The following SIK3 variants were observed in gnomAD, a reference collection of about 807,000 sequenced individuals.
The protein encoded by SIK3 is serine/threonine-protein kinase SIK3.
A neutral mutation model predicts 144.2 loss-of-function variants in SIK3; 28 were observed. That is an observed-to-expected ratio of 0.19 (90% CI 0.14 to 0.27). SIK3 has a LOEUF of 0.27. SIK3 is among the 10% of genes least tolerant of loss of function. The probability of loss-of-function intolerance (pLI) is 1.00; values close to 1 mark genes in which losing one functional copy is unlikely to be tolerated. For missense variants in SIK3, 1,319 were observed against 1,776.0 expected, an observed-to-expected ratio of 0.74 and a Z score of 4.62; for synonymous variants, 686 against 676.3, an observed-to-expected ratio of 1.01 and a Z score of -0.22.
chr11:116,898,020 A>T (rs912351174), intron 4 of SIK3, among the ~76,000 whole-genome samples: 1 of 152,072 alleles, frequency 6.6e-6, no homozygotes, highest in Admixed American at 6.5e-5. Context: ...CATGTGCACA[A>T]TGTGCAGGTT....
intron 1 of SIK3, among the ~76,000 whole-genome samples, chr11:117,017,219 T>C (rs531911048): frequency 6.6e-6 from 1 of 152,252 alleles, no homozygotes; most frequent in Admixed American, 6.5e-5. Context: ...ATCATGCCAC[T>C]GCACTCCAGG....
At chr11:116,928,312 G>A (rs1435444057) in intron 3 of SIK3, among the ~76,000 whole-genome samples, 2 of 152,132 alleles carry the variant, frequency 1.3e-5, no homozygotes, top group Non-Finnish European at 2.9e-5. Context: ...GACAGCTAGT[G>A]GGATTAGAAA....
intron 1 of SIK3, among the ~76,000 whole-genome samples, chr11:117,005,484 A>C (rs930691936): frequency 6.6e-6 from 1 of 152,162 alleles, no homozygotes; most frequent in Admixed American, 6.6e-5. Context: ...CGTTTCTTAG[A>C]AACAGAACAG....
intron 1 of SIK3, among the ~76,000 whole-genome samples, chr11:117,081,678 G>T (rs1954796484): frequency 6.6e-6 from 1 of 152,070 alleles, no homozygotes; most frequent in Admixed American, 6.6e-5. Flanking sequence ...AAACGTCCCG[G>T]GAAAGAGAGA....
chr11:116,993,604 T>G (rs572942348), intron 1 of SIK3, among the ~76,000 whole-genome samples: 20 of 152,288 alleles, frequency 1.3e-4, no homozygotes, highest in Non-Finnish European at 2.4e-4. Context: ...GTATATTCCT[T>G]TAGTGCAATC....
rs560297768 is a variant in SIK3 at position 116,849,695 on chromosome 11, T to C, written c.3656-412A>G. Among the ~76,000 whole-genome samples the C allele has an allele frequency of 2.0e-5, 3 of 152,278 alleles. No individual in the cohort carries two copies. In the East Asian group the frequency reaches 5.8e-4, roughly 29 times the overall value. ...CTCTCTCCTCCCCCGGTGACCTCAGTGTACCACGCTGCTACTCTCCTCTTT... is the reference window on the plus strand; with the variant it reads ...CTCTCTCCTCCCCCGGTGACCTCAGCGTACCACGCTGCTACTCTCCTCTTT... On this transcript the variant is annotated intron_variant, in intron 21 of 24. Coordinates refer to ENST00000445177, the MANE Select transcript of SIK3 (RefSeq NM_001366686.3). The surrounding 1 kb of genome is among the most constrained non-coding windows in gnomAD (Gnocchi z 4.2).
intron 4 of SIK3, among the ~76,000 whole-genome samples, chr11:116,918,802 T>C (rs1946804749): frequency 2.0e-5 from 3 of 152,220 alleles, no homozygotes; most frequent in South Asian, 4.1e-4. Flanking sequence ...AATATAGATA[T>C]GACATTAAGT....
intron 4 of SIK3, among the ~76,000 whole-genome samples, chr11:116,901,476 A>G (rs992351042): frequency 3.3e-5 from 5 of 152,206 alleles, no homozygotes; most frequent in Admixed American, 6.5e-5. Context: ...AGTCAGGACC[A>G]CAAATAGAAT....
intron 1 of SIK3, among the ~76,000 whole-genome samples, chr11:116,969,969 T>C (rs182065547): frequency 6.6e-6 from 1 of 152,282 alleles, no homozygotes. Flanking sequence ...TTTCATCTAT[T>C]ACATGACTTG....
At chr11:117,035,176 T>A (rs1952440321) in intron 1 of SIK3, among the ~76,000 whole-genome samples, 1 of 152,168 alleles carries the variant, frequency 6.6e-6, no homozygotes, top group Non-Finnish European at 1.5e-5. Context: ...GTATAAAATA[T>A]CTTACCATAA....
intron 6 of SIK3, among the ~76,000 whole-genome samples, chr11:116,892,705 T>C (rs901144366): frequency 3.9e-5 from 6 of 152,326 alleles, no homozygotes; most frequent in Middle Eastern, 6.8e-3. Flanking sequence ...GATCCAGGAA[T>C]TGTGCTCCTT....
In SIK3 at chr11:117,041,773, T is replaced by C. The variant is rs1443253368; in HGVS notation, c.273+56370A>G. ...TTGTTTTCTACCTGGCAACACAACT[T>C]TTAAGACTAAACTCTGACAACAATA... On this transcript the variant is annotated intron_variant, in intron 1 of 24. Transcript: ENST00000445177. Among the ~76,000 whole-genome samples, 3 of 152,190 alleles carry C rather than the reference T, an allele frequency of 2.0e-5. No homozygotes were observed. The East Asian group carries it at 5.8e-4, about 29-fold the overall frequency.
intron 4 of SIK3, among the ~76,000 whole-genome samples, chr11:116,897,551 T>C (rs754311399): frequency 8.5e-5 from 13 of 152,224 alleles, no homozygotes; most frequent in Non-Finnish European, 1.6e-4. Flanking sequence ...TACTGCTCCC[T>C]TCATAAACCT....
At chr11:117,072,671 T>C (rs1054727103) in intron 1 of SIK3, among the ~76,000 whole-genome samples, 1 of 152,142 alleles carries the variant, frequency 6.6e-6, no homozygotes, top group Admixed American at 6.6e-5. Flanking sequence ...TCTTTGGTAG[T>C]TGTGTAATCA....
At chr11:117,016,626 C>A (rs1951554209) in intron 1 of SIK3, among the ~76,000 whole-genome samples, 1 of 151,840 alleles carries the variant, frequency 6.6e-6, no homozygotes. Flanking sequence ...CCAGCCTGAG[C>A]AAAACAGCAA....
intron 1 of SIK3, among the ~76,000 whole-genome samples, chr11:117,089,927 T>C (rs1955170675): frequency 6.6e-6 from 1 of 152,202 alleles, no homozygotes; most frequent in Non-Finnish European, 1.5e-5. Context: ...ATACCATCAG[T>C]GTCCAGAGGC....
chr11:116,918,860 A>G (rs1223125100), intron 4 of SIK3, among the ~76,000 whole-genome samples: 1 of 152,222 alleles, frequency 6.6e-6, no homozygotes, highest in Non-Finnish European at 1.5e-5. Flanking sequence ...GATTCAAGAG[A>G]GATAATATTT....
intron 1 of SIK3, among the ~76,000 whole-genome samples, chr11:116,997,819 A>G (rs1950719188): frequency 6.6e-6 from 1 of 152,220 alleles, no homozygotes; most frequent in Non-Finnish European, 1.5e-5. Flanking sequence ...AGGGGACAAA[A>G]ACGGCACAAG....
intron 13 of SIK3, among the ~76,000 whole-genome samples, chr11:116,872,568 G>A (rs902100713): frequency 1.3e-5 from 2 of 152,098 alleles, no homozygotes; most frequent in African/African-American, 2.4e-5. Flanking sequence ...TCATGATAAG[G>A]TAAGTACAGA....
Sources: allele counts gnomAD v4.1 joint callset (sites outside exome capture counted in the v4.1 genomes callset), GRCh38; gene constraint gnomAD v4.1.1; non-coding constraint Gnocchi (gnomAD v3.1); transcripts MANE v1.5; gene names NCBI Gene and HGNC (gene_info 2026-07-23, HGNC 2026-07-21).